The following CLPX variants were observed in gnomAD, a reference collection of about 807,000 sequenced individuals.
CLPX encodes ATP-dependent clpX-like chaperone, mitochondrial.
In CLPX, 34 loss-of-function variants were observed where a neutral mutation model predicts 76.4. The observed-to-expected ratio is 0.45, with a 90% confidence interval of 0.34 to 0.59. CLPX has a LOEUF of 0.59. CLPX is among the 20% of genes least tolerant of loss of function. CLPX has a pLI of 0.01. For synonymous variants in CLPX, 248 were observed against 270.9 expected (o/e 0.92, Z 0.83); for missense variants, 613 against 757.0 (o/e 0.81, Z 2.23).
intron 3 of CLPX, among the ~76,000 whole-genome samples, chr15:65,175,182 A>G (rs2088073129): frequency 6.6e-6 from 1 of 152,238 alleles, no homozygotes; most frequent in Non-Finnish European, 1.5e-5. Context: ...TAGTATCCAA[A>G]TAAATGCAGA....
chr15:65,179,069 G>C lies in CLPX; in HGVS notation c.241-18C>G. 2.7e-6 allele frequency: 4 copies of C among 1,477,480 alleles called. No homozygotes were observed. The highest frequency in any genetic ancestry group is 1.7e-4 in the Middle Eastern group (1 of 5,748). 91.5% of individuals were successfully genotyped at this position (1,477,480 alleles called of 1,614,324 possible). Reference sequence around the variant, plus strand: ...GCTGATTTCTAACGTTTATGAAGGAGAAAAAAGGAAGAGTGTCAATTATTA... The same window carrying C: ...GCTGATTTCTAACGTTTATGAAGGACAAAAAAGGAAGAGTGTCAATTATTA... On this transcript the variant is annotated intron_variant, in intron 2 of 13. Transcript: ENST00000300107.
chr15:65,169,179 C>T (rs1018716121), intron 3 of CLPX, among the ~76,000 whole-genome samples: 1 of 152,018 alleles, frequency 6.6e-6, no homozygotes, highest in Admixed American at 6.6e-5. Context: ...GCCTCTCGAT[C>T]TCCTGACCTC....
In CLPX at chr15:65,154,964, G is replaced by T. The variant is rs771233943; in HGVS notation, c.1429C>A (p.Arg477=). ...CTGGCTTCCACATGACGCAATAACC[G>T]ATCTTTTTCTTCAATGTCTTGGTGA... is the stretch of plus-strand genomic sequence containing the variant. ...NTHQDIEEKD[R]LLRHVEARDL... is the part of the protein sequence containing the mutation. The change falls in exon 11 of 14, where the codon CGG becomes AGG. Residue 477 remains arginine (R), a synonymous_variant. Transcript: ENST00000300107. 6.8e-6 allele frequency: 11 copies of T among 1,613,914 alleles called. No homozygotes were observed. Among genetic ancestry groups the T allele is most frequent in the South Asian group, 1.1e-5 (1 of 91,068 alleles).
intron 9 of CLPX, chr15:65,156,599 A>G (rs2087792192): frequency 8.9e-6 from 4 of 450,554 alleles, no homozygotes; most frequent in Admixed American, 3.9e-5. Context: ...AATAAAAAAA[A>G]AAGATTAAAT....
At chr15:65,171,986 G>T (rs1206826395) in intron 3 of CLPX, among the ~76,000 whole-genome samples, 4 of 152,130 alleles carry the variant, frequency 2.6e-5, no homozygotes, top group Non-Finnish European at 4.4e-5. Flanking sequence ...GCATTGCAAT[G>T]CACTTTTTTG....
intron 5 of CLPX, 53 bp downstream of exon 5, chr15:65,163,976 G>A: frequency 6.7e-7 from 1 of 1,485,926 alleles, no homozygotes; most frequent in Admixed American, 1.8e-5. Flanking sequence ...TACAAATAAA[G>A]ATTACTTTTA....
chr15:65,179,798 T>A (rs2088139514), intron 2 of CLPX, among the ~76,000 whole-genome samples: 1 of 152,218 alleles, frequency 6.6e-6, no homozygotes, highest in South Asian at 2.1e-4. Flanking sequence ...TGACTGTCAT[T>A]TAATGACACT....
chr15:65,163,768 T>C (rs2087878857), intron 5 of CLPX, among the ~76,000 whole-genome samples: 1 of 152,176 alleles, frequency 6.6e-6, no homozygotes, highest in Admixed American at 6.6e-5. Flanking sequence ...ATTACCGGCA[T>C]AAGCCACCAT....
rs1410357033 is a variant in CLPX at position 65,148,291 on chromosome 15, A to G, written c.*2532T>C. On this transcript the variant is annotated 3_prime_UTR_variant, in exon 14 of 14. Coordinates refer to ENST00000300107, the MANE Select transcript of CLPX (RefSeq NM_006660.5). Reference sequence around the variant, plus strand: ...AAGATACAAATTATGTTTGATTTAAAAACATCGACTATGCTTTGTTAACAA... The same window carrying G: ...AAGATACAAATTATGTTTGATTTAAGAACATCGACTATGCTTTGTTAACAA... 1 of 152,244 alleles carries G rather than the reference A, an allele frequency of 6.6e-6. No homozygotes were observed. The highest frequency in any genetic ancestry group is 1.5e-5 in the Non-Finnish European group (1 of 68,034). The allele number at this position is 152,244 out of a possible 1,614,324, so 9.4% of individuals were successfully genotyped here.
intron 2 of CLPX, 51 bp from the exon 3 acceptor site, chr15:65,179,102 G>T: frequency 1.9e-6 from 2 of 1,028,738 alleles, no homozygotes; most frequent in Non-Finnish European, 1.5e-6. Flanking sequence ...TTAGTTTCAG[G>T]CAACCAACTT....
chr15:65,185,220 C>A lies in CLPX; in HGVS notation c.-67G>T. 1 of 1,352,672 alleles carries A rather than the reference C, an allele frequency of 7.4e-7. No individual in the cohort carries two copies. Among genetic ancestry groups the A allele is most frequent in the Non-Finnish European group, 1.0e-6 (1 of 974,616 alleles). 83.8% of individuals were successfully genotyped at this position (1,352,672 alleles called of 1,614,324 possible). A position where few individuals can be genotyped will look rare whatever the true frequency, so the allele number is the denominator to read the frequency against. ...CCGGGTCACAGCGGCGTGAATCCTG[C>A]CCGCAAGGCGCGCTGACTCGGTTCC... On this transcript the variant is annotated 5_prime_UTR_variant, in exon 1 of 14. Transcript: ENST00000300107.
chr15:65,184,480 G>C (rs1268706431), intron 1 of CLPX: 2 of 152,480 alleles, frequency 1.3e-5, no homozygotes, highest in East Asian at 3.8e-4. Context: ...CGGGCCCCGG[G>C]GCTTGCCTGA....
chr15:65,158,809 G>T, intron 6 of CLPX, 58 bp from the exon 7 acceptor site: 1 of 1,414,354 alleles, frequency 7.1e-7, no homozygotes, highest in Non-Finnish European at 9.6e-7. Context: ...TGAAGAAAAT[G>T]TCCCATAAAA....
intron 3 of CLPX, among the ~76,000 whole-genome samples, chr15:65,172,561 G>A (rs1292193349): frequency 2.6e-5 from 4 of 152,066 alleles, no homozygotes; most frequent in African/African-American, 7.2e-5. Flanking sequence ...GAATCCGAGA[G>A]GTGGAGGTTG....
chr15:65,177,340 AT>A (rs766658374), intron 3 of CLPX, among the ~76,000 whole-genome samples: 2 of 152,178 alleles, frequency 1.3e-5, no homozygotes, highest in Non-Finnish European at 2.9e-5. Flanking sequence ...AAGTCCTGTG[AT>A]TACTGGTGTG....
At chr15:65,180,885 C>A (rs1293227060) in intron 1 of CLPX, among the ~76,000 whole-genome samples, 2 of 145,374 alleles carry the variant, frequency 1.4e-5, no homozygotes, top group Non-Finnish European at 3.0e-5. Flanking sequence ...GCCTGGGTGA[C>A]ATAGCGAGAC....
Position 65,152,331 on chromosome 15 carries a change from A to G in CLPX, c.1811+99T>C, listed in dbSNP as rs1264336771. 23 of 440,960 alleles carry G rather than the reference A, an allele frequency of 5.2e-5. No homozygotes were observed. The Admixed American group carries it at 9.5e-4, about 18-fold the overall frequency. The allele number at this position is 440,960 out of a possible 1,614,324, so 27.3% of individuals were successfully genotyped here. A position where few individuals can be genotyped will look rare whatever the true frequency, so the allele number is the denominator to read the frequency against. ...GATTATTGCTTCCCTTAGAAATATA[A>G]TAATTTTTATGTAATTTTAAAATGA... On this transcript the variant is annotated intron_variant, in intron 13 of 13. Transcript: ENST00000300107.
At chr15:65,165,877 T>G (rs1236680833) in intron 4 of CLPX, among the ~76,000 whole-genome samples, 1 of 152,200 alleles carries the variant, frequency 6.6e-6, no homozygotes, top group Non-Finnish European at 1.5e-5. Context: ...CACAGCACAT[T>G]TGGAAGTAGA....
In CLPX at chr15:65,185,175, G is replaced by T; in HGVS notation, c.-22C>A. Reference sequence around the variant, plus strand: ...GCATCTCCGCGAGGCCTAGGCCGGGGCTTCGCCCCCTGAGGACCTCCGGGT... The same window carrying T: ...GCATCTCCGCGAGGCCTAGGCCGGGTCTTCGCCCCCTGAGGACCTCCGGGT... On this transcript the variant is annotated 5_prime_UTR_variant, in exon 1 of 14. Transcript: ENST00000300107. 1 of 1,551,778 alleles carries T rather than the reference G, an allele frequency of 6.4e-7. No individual in the cohort carries two copies. The highest frequency in any genetic ancestry group is 8.7e-7 in the Non-Finnish European group (1 of 1,146,482).
Sources: gnomAD v4.1 joint callset for allele counts (sites outside exome capture counted in the v4.1 genomes callset) on GRCh38, gnomAD v4.1.1 for gene constraint, MANE v1.5 for transcripts, NCBI Gene and HGNC (gene_info 2026-07-23, HGNC 2026-07-21) for gene names.